The following MLLT3 variants were observed in gnomAD, a reference collection of about 807,000 sequenced individuals.
MLLT3 encodes the protein protein AF-9.
Under a neutral mutation model 53.2 loss-of-function variants are expected in MLLT3, and 4 were observed. The ratio of observed to expected loss-of-function variants is 0.08; its 90% CI spans 0.04 to 0.17. The LOEUF (loss-of-function observed/expected upper bound fraction) is 0.17. MLLT3 is among the 10% of genes least tolerant of loss of function. The pLI is 1.00. For synonymous variants in MLLT3, 283 were observed against 230.6 expected (o/e 1.23, Z -2.06); for missense variants, 569 against 684.0 (o/e 0.83, Z 1.87).
At chr9:20,361,196 T>C (rs955951877) in intron 7 of MLLT3, among the ~76,000 whole-genome samples, 1 of 152,216 alleles carries the variant, frequency 6.6e-6, no homozygotes, top group African/African-American at 2.4e-5. Flanking sequence ...GGTCATTTAT[T>C]CATTCATCTC....
intron 5 of MLLT3, among the ~76,000 whole-genome samples, chr9:20,382,754 C>G (rs1409460338): frequency 6.6e-6 from 1 of 151,990 alleles, no homozygotes; most frequent in Non-Finnish European, 1.5e-5. Flanking sequence ...TTAAATCACA[C>G]TGATTTAGAA....
In MLLT3 at chr9:20,345,867, G is replaced by T. The variant is rs1462582403; in HGVS notation, c.*576C>A. ...AGGTGGAAAATACAGACTGCAACGA[G>T]TTAAAGGACTTGGAAAAAGTTGGTG... On this transcript the variant is annotated 3_prime_UTR_variant, in exon 11 of 11. Transcript: ENST00000380338. The T allele has an allele frequency of 1.3e-5, 3 of 228,636 alleles. No homozygotes were observed. Among genetic ancestry groups the T allele is most frequent in the African/African-American group, 6.7e-5 (3 of 45,062 alleles). 14.2% of individuals were successfully genotyped at this position (228,636 alleles called of 1,614,324 possible). A position where few individuals can be genotyped will look rare whatever the true frequency, so the allele number is the denominator to read the frequency against.
rs1822994148 is a variant in MLLT3 at position 20,420,991 on chromosome 9, C to T, written c.421-6566G>A. 2.0e-5 allele frequency among the ~76,000 whole-genome samples: 3 copies of T among 152,174 alleles called. No individual in the cohort carries two copies. In the South Asian group the frequency reaches 6.2e-4, roughly 32 times the overall value. ...GAAAATTAGAAAATTAGGCCAGGCACAGTGGCTCACACCTGTAATCCCAGC... is the reference window on the plus strand; with the variant it reads ...GAAAATTAGAAAATTAGGCCAGGCATAGTGGCTCACACCTGTAATCCCAGC... On this transcript the variant is annotated intron_variant, in intron 4 of 10. Transcript: ENST00000380338.
At chr9:20,473,191 T>C (rs1824437900) in intron 2 of MLLT3, among the ~76,000 whole-genome samples, 1 of 152,106 alleles carries the variant, frequency 6.6e-6, no homozygotes, top group Non-Finnish European at 1.5e-5. Context: ...AAAGATGTTT[T>C]CTCTTTGCAA....
chr9:20,610,502 T>A (rs1368491149), intron 2 of MLLT3, among the ~76,000 whole-genome samples: 1 of 152,164 alleles, frequency 6.6e-6, no homozygotes, highest in Admixed American at 6.6e-5. Flanking sequence ...TTCAGAAATC[T>A]GAGTAATAAT....
At chr9:20,584,568 G>A (rs1195690658) in intron 2 of MLLT3, among the ~76,000 whole-genome samples, 1 of 152,188 alleles carries the variant, frequency 6.6e-6, no homozygotes, top group Non-Finnish European at 1.5e-5. Flanking sequence ...ATGGCAGGAG[G>A]TGAAAGGCAC....
chr9:20,581,429 T>A (rs1819790520), intron 2 of MLLT3, among the ~76,000 whole-genome samples: 1 of 152,228 alleles, frequency 6.6e-6, no homozygotes, highest in African/African-American at 2.4e-5. Flanking sequence ...AACATTTTTA[T>A]CTTTTCATTA....
At chr9:20,508,431 C>T (rs1387024029) in intron 2 of MLLT3, among the ~76,000 whole-genome samples, 1 of 152,134 alleles carries the variant, frequency 6.6e-6, no homozygotes, top group African/African-American at 2.4e-5. Context: ...TACCGCAGTG[C>T]CAACACTATC....
chr9:20,522,012 T>C (rs1055822964), intron 2 of MLLT3, among the ~76,000 whole-genome samples: 1 of 151,848 alleles, frequency 6.6e-6, no homozygotes, highest in African/African-American at 2.4e-5. Flanking sequence ...TCACAGTTTT[T>C]TTTTTTTTTA....
chr9:20,580,587 T>A (rs970788180), intron 2 of MLLT3, among the ~76,000 whole-genome samples: 1 of 152,148 alleles, frequency 6.6e-6, no homozygotes, highest in Non-Finnish European at 1.5e-5. Flanking sequence ...CCTATAATGG[T>A]TAGTCCTGAA....
In MLLT3 at chr9:20,346,569, C is replaced by G. The variant is rs771785369; in HGVS notation, c.1581G>C (p.Val527=). 1.2e-6 allele frequency: 2 copies of G among 1,613,188 alleles called. No homozygotes were observed. The highest frequency in any genetic ancestry group is 8.5e-7 in the Non-Finnish European group (1 of 1,179,524). ...LRERHILQQI[V]NLIEETGHFH... Reference sequence around the variant, plus strand: ...AGTGTCCAGTTTCTTCTATAAGGTTCACGATCTAGAGGAGTGAAGAAGAGA... The same window carrying G: ...AGTGTCCAGTTTCTTCTATAAGGTTGACGATCTAGAGGAGTGAAGAAGAGA... Residue 527 remains valine (V), a synonymous_variant, in exon 11 of 11, where the codon GTG becomes GTC. Transcript: ENST00000380338.
intron 8 of MLLT3, among the ~76,000 whole-genome samples, chr9:20,356,153 A>G (rs901938358): frequency 1.3e-5 from 2 of 152,188 alleles, no homozygotes; most frequent in African/African-American, 4.8e-5. Context: ...GAAAAGACCG[A>G]ATACTCCTGA....
intron 2 of MLLT3, among the ~76,000 whole-genome samples, chr9:20,559,758 G>C (rs984178663): frequency 6.6e-6 from 1 of 152,124 alleles, no homozygotes; most frequent in Non-Finnish European, 1.5e-5. Context: ...CTGCCTGAGA[G>C]AGCATAAAAT....
intron 4 of MLLT3, among the ~76,000 whole-genome samples, chr9:20,421,136 G>A (rs555776539): frequency 8.6e-5 from 13 of 151,862 alleles, no homozygotes; most frequent in African/African-American, 2.9e-4. Context: ...AGGTGGCGAG[G>A]GCCTGTAATC....
At chr9:20,361,811 G>C (rs1821330630) in intron 7 of MLLT3, among the ~76,000 whole-genome samples, 1 of 152,008 alleles carries the variant, frequency 6.6e-6, no homozygotes, top group Non-Finnish European at 1.5e-5. Flanking sequence ...TGGTTATATA[G>C]CACCTAATGT....
rs1822799160 is a variant in MLLT3 at position 20,414,003 on chromosome 9, A to G, written c.843T>C (p.Pro281=). 4 of 1,613,994 alleles carry G rather than the reference A, an allele frequency of 2.5e-6. No individual in the cohort carries two copies. The highest frequency in any genetic ancestry group is 1.1e-5 in the South Asian group (1 of 91,082). The change falls in exon 5 of 11, where the codon CCT becomes CCC. Residue 281 remains proline, a synonymous_variant. Transcript: ENST00000380338. The part of the protein sequence containing the change: ...TITSGQDKKA[P]SKRPPISDSE... ...AATCTGAAATGGGCGGCCTTTTACT[A>G]GGAGCCTTCTTATCTTGTCCACTGG...
chr9:20,503,849 C>T (rs1825311701), intron 2 of MLLT3, among the ~76,000 whole-genome samples: 1 of 151,980 alleles, frequency 6.6e-6, no homozygotes, highest in African/African-American at 2.4e-5. Context: ...TCAAACAACT[C>T]AATAGCAAGA....
At chr9:20,416,518 G>A (rs1822876233) in intron 4 of MLLT3, among the ~76,000 whole-genome samples, 1 of 151,864 alleles carries the variant, frequency 6.6e-6, no homozygotes. Context: ...TTAATTCAGG[G>A]TACACATTGG....
At chr9:20,424,100 C>CCA (rs1823083196) in intron 4 of MLLT3, among the ~76,000 whole-genome samples, 1 of 152,008 alleles carries the variant, frequency 6.6e-6, no homozygotes, top group Non-Finnish European at 1.5e-5. Context: ...AAATACTATG[C>CCA]CATTTTGTAC....
Sources: gnomAD v4.1 joint callset for allele counts (sites outside exome capture counted in the v4.1 genomes callset) on GRCh38, gnomAD v4.1.1 for gene constraint, MANE v1.5 for transcripts, NCBI Gene and HGNC (gene_info 2026-07-23, HGNC 2026-07-21) for gene names.